PRELP: variants seen among roughly 807,000 people sequenced by gnomAD.
The protein encoded by PRELP is prolargin.
Under a neutral mutation model 22.8 loss-of-function variants are expected in PRELP, and 16 were observed. The ratio of observed to expected loss-of-function variants is 0.70; its 90% CI spans 0.47 to 1.06. The LOEUF (loss-of-function observed/expected upper bound fraction) is 1.06, where lower values mean the gene tolerates loss of function less well. Ranked by LOEUF, PRELP falls within the 50% of genes least tolerant of loss-of-function variation. The probability of loss-of-function intolerance (pLI) is 0.00; values close to 1 mark genes in which losing one functional copy is unlikely to be tolerated. For synonymous variants in PRELP, 233 were observed against 211.4 expected (o/e 1.10, Z -0.89); for missense variants, 434 against 485.2 (o/e 0.89, Z 0.99).
Position 203,484,051 on chromosome 1 carries a change from T to C in PRELP, c.867T>C (p.Asn289=), listed in dbSNP as rs1661055509. ...GGGGACTCCCCAAGAACTCCTTTAA[T>C]ATCTCCAACCTGCTTGTGCTCCACC... ...TDRGLPKNSF[N]ISNLLVLHLS... The change falls in exon 2 of 3, where the codon AAT becomes AAC. Residue 289 remains asparagine, a synonymous_variant. Transcript: ENST00000343110. 6.2e-7 allele frequency: 1 copy of C among 1,614,134 alleles called. No individual in the cohort carries two copies. The highest frequency in any genetic ancestry group is 1.7e-5 in the Admixed American group (1 of 60,036).
intron 1 of PRELP, among the ~76,000 whole-genome samples, chr1:203,481,865 G>C: frequency 6.6e-6 from 1 of 152,170 alleles, no homozygotes; most frequent in Admixed American, 6.5e-5. Context: ...GTGGGGTCTG[G>C]AGTTGATTGG....
In PRELP at chr1:203,483,114, A is replaced by G; in HGVS notation, c.-16-55A>G. 7.2e-7 allele frequency: 1 copy of G among 1,395,310 alleles called. No homozygotes were observed. The highest frequency in any genetic ancestry group is 9.7e-7 in the Non-Finnish European group (1 of 1,026,392). The allele number at this position is 1,395,310 out of a possible 1,614,324, so 86.4% of individuals were successfully genotyped here. A position where few individuals can be genotyped will look rare whatever the true frequency, so the allele number is the denominator to read the frequency against. On this transcript the variant is annotated intron_variant, in intron 1 of 2. Coordinates refer to ENST00000343110, the MANE Select transcript of PRELP (RefSeq NM_002725.4). The surrounding 1 kb of genome is among the most constrained non-coding windows in gnomAD (Gnocchi z 4.4). ...GCCCAACTCTGGCTTCAAAAACATGACAACTAGTTACTGAGGGCCCAAGGA... is the reference window on the plus strand; with the variant it reads ...GCCCAACTCTGGCTTCAAAAACATGGCAACTAGTTACTGAGGGCCCAAGGA...
rs141084377 is a variant in PRELP, at chr1:203,476,686, G to A, written c.-17+748G>A. ...CACTGGGTAGGAGGGAGAGAAAAAC[G>A]GCTTTTTCCAACCTGCACAGTGTCT... On this transcript the variant is annotated intron_variant, in intron 1 of 2. Transcript: ENST00000343110. Among the ~76,000 whole-genome samples, 9 of 152,180 alleles carry A rather than the reference G, an allele frequency of 5.9e-5. No homozygotes were observed. In the East Asian group the frequency reaches 7.7e-4, roughly 13 times the overall value.
In PRELP at chr1:203,485,873, T is replaced by C. The variant is rs1014760928; in HGVS notation, c.974-833T>C. On this transcript the variant is annotated intron_variant, in intron 2 of 2. Coordinates refer to ENST00000343110, the MANE Select transcript of PRELP (RefSeq NM_002725.4). ...ACAAGATGTGATGGAGGAAATGGAA[T>C]CTCAGGCCATGGACCCTTCAGAATC... Among the ~76,000 whole-genome samples the C allele has an allele frequency of 3.3e-5, 5 of 152,164 alleles. No homozygotes were observed. In the South Asian group the frequency reaches 1.0e-3, roughly 32 times the overall value.
chr1:203,488,526 GA>G lies in PRELP; in HGVS notation c.*1655del, dbSNP rs950382392. On this transcript the variant is annotated 3_prime_UTR_variant, in exon 3 of 3. Coordinates refer to ENST00000343110, the MANE Select transcript of PRELP (RefSeq NM_002725.4). ...CAGAGTGAGACTCCGTCTCAAAAAA[GA>G]AAAAAAAAAGATGCTCCTCTGAGGT... 14 of 148,190 alleles carry G rather than the reference GA, an allele frequency of 9.4e-5. No individual in the cohort carries two copies. Among genetic ancestry groups the G allele is most frequent in the African/African-American group, 1.5e-4 (6 of 40,512 alleles). 9.2% of individuals were successfully genotyped at this position (148,190 alleles called of 1,614,324 possible).
Position 203,483,835 on chromosome 1 carries a change from C to G in PRELP, c.651C>G (p.Phe217Leu), listed in dbSNP as rs922001747. The G allele has an allele frequency of 6.2e-7, 1 of 1,614,034 alleles. No homozygotes were observed. Among genetic ancestry groups the G allele is most frequent in the Non-Finnish European group, 8.5e-7 (1 of 1,179,986 alleles). Residue 217 changes from phenylalanine to leucine, a missense_variant, in exon 2 of 3, where the codon TTC becomes TTG. Transcript: ENST00000343110. This position sits in a 1 kb window ranked among gnomAD's most constrained non-coding sequence, Gnocchi z 4.4. ...LSDGVFKPDT[F>L]HGLKNLMQLN... The stretch of plus-strand genomic sequence containing the variant: ...ACGGCGTCTTCAAGCCCGACACCTT[C>G]CATGGCCTCAAGAACCTCATGCAGC...
chr1:203,483,057 G>C lies in PRELP; in HGVS notation c.-16-112G>C. 1.2e-6 allele frequency: 1 copy of C among 865,858 alleles called. No individual in the cohort carries two copies. The highest frequency in any genetic ancestry group is 2.5e-5 in the East Asian group (1 of 40,320). 53.6% of individuals were successfully genotyped at this position (865,858 alleles called of 1,614,324 possible). ...AGGAGATGCTTCCACAGCTCCCTGA[G>C]CTCTGCCCATCTTCCCTAGAGCTCT... On this transcript the variant is annotated intron_variant, in intron 1 of 2. Transcript: ENST00000343110. The surrounding 1 kb of genome is among the most constrained non-coding windows in gnomAD (Gnocchi z 4.4).
At chr1:203,482,812 T>G (rs1045201500) in intron 1 of PRELP, among the ~76,000 whole-genome samples, 10 of 151,748 alleles carry the variant, frequency 6.6e-5, no homozygotes, top group Non-Finnish European at 1.5e-4. Context: ...TTAGCCAGGA[T>G]GGTCTCGATC....
chr1:203,477,634 G>A (rs1660933359), intron 1 of PRELP, among the ~76,000 whole-genome samples: 2 of 152,164 alleles, frequency 1.3e-5, no homozygotes, highest in Non-Finnish European at 2.9e-5. Flanking sequence ...CAGAGGGTGA[G>A]CTGAACACTT....
intron 1 of PRELP, among the ~76,000 whole-genome samples, chr1:203,476,780 G>T (rs142521431): frequency 7.4e-4 from 113 of 152,256 alleles, no homozygotes; most frequent in African/African-American, 2.6e-3. Context: ...AGAAGAAAGC[G>T]ACCCAGTTCC....
intron 1 of PRELP, among the ~76,000 whole-genome samples, chr1:203,482,049 G>A (rs868122931): frequency 3.0e-4 from 45 of 152,212 alleles, no homozygotes; most frequent in African/African-American, 1.0e-3. Flanking sequence ...CCCCACAGGG[G>A]TATGTCACAG....
At chr1:203,477,463 T>G (rs993020821) in intron 1 of PRELP, among the ~76,000 whole-genome samples, 1 of 151,990 alleles carries the variant, frequency 6.6e-6, no homozygotes, top group Non-Finnish European at 1.5e-5. Flanking sequence ...AGAGGAACAT[T>G]CCAGTAAGAA....
chr1:203,480,898 T>C (rs1204344217), intron 1 of PRELP, among the ~76,000 whole-genome samples: 2 of 152,252 alleles, frequency 1.3e-5, no homozygotes, highest in Admixed American at 6.5e-5. Flanking sequence ...CTGTGTTTAC[T>C]GTGGATGAGA....
In PRELP at chr1:203,488,670, TCCCTCC is replaced by T. The variant is rs1201760393; in HGVS notation, c.*1793_*1798del. On this transcript the variant is annotated 3_prime_UTR_variant, in exon 3 of 3. Coordinates refer to ENST00000343110, the MANE Select transcript of PRELP (RefSeq NM_002725.4). ...AGTAATTTATTTTCTGTATGGACTGTCCCTCCCCCAGAGGCTTCCCCACCCTCCATT... is the reference window on the plus strand; with the variant it reads ...AGTAATTTATTTTCTGTATGGACTGTCCCAGAGGCTTCCCCACCCTCCATT... 1 of 152,216 alleles carries T rather than the reference TCCCTCC, an allele frequency of 6.6e-6. No individual in the cohort carries two copies. The highest frequency in any genetic ancestry group is 1.5e-5 in the Non-Finnish European group (1 of 68,066). 9.4% of individuals were successfully genotyped at this position (152,216 alleles called of 1,614,324 possible). A position where few individuals can be genotyped will look rare whatever the true frequency, so the allele number is the denominator to read the frequency against.
In PRELP at chr1:203,483,467, C is replaced by T. The variant is rs537589540; in HGVS notation, c.283C>T (p.Arg95Ter). 12 of 1,614,088 alleles carry T rather than the reference C, an allele frequency of 7.4e-6. No individual in the cohort carries two copies. Among genetic ancestry groups the T allele is most frequent in the East Asian group, 4.5e-5 (2 of 44,892 alleles). Residue 95 changes from arginine (R) to a stop codon, truncating the protein, a stop_gained, in exon 2 of 3, where the codon CGA (arginine) becomes TGA (stop). Transcript: ENST00000343110. LOFTEE classifies it high-confidence loss of function. This position sits in a 1 kb window ranked among gnomAD's most constrained non-coding sequence, Gnocchi z 4.4. ...CCTCTACTGTGATAGCCGCAACCTG[C>T]GAAAGGTCCCTGTCATCCCGCCCCG... Reference protein sequence around the residue: ...SALYCDSRNLRKVPVIPPRIH... With the variant: ...SALYCDSRNL
In PRELP at chr1:203,483,813, G is replaced by T. The variant is rs1661050422; in HGVS notation, c.629G>T (p.Gly210Val). The T allele has an allele frequency of 6.2e-7, 1 of 1,614,022 alleles. No homozygotes were observed. Among genetic ancestry groups the T allele is most frequent in the African/African-American group, 1.3e-5 (1 of 74,916 alleles). ...CTCCAGCACAACAGGCTGAGCGACG[G>T]CGTCTTCAAGCCCGACACCTTCCAT... is the stretch of plus-strand genomic sequence containing the variant. ...LDLQHNRLSD[G>V]VFKPDTFHGL... Residue 210 changes from glycine (G) to valine (V), a missense_variant, in exon 2 of 3, where the codon GGC becomes GTC. Coordinates refer to ENST00000343110, the MANE Select transcript of PRELP (RefSeq NM_002725.4). This position sits in a 1 kb window ranked among gnomAD's most constrained non-coding sequence, Gnocchi z 4.4.
chr1:203,485,312 T>C (rs1661074689), intron 2 of PRELP, among the ~76,000 whole-genome samples: 1 of 152,178 alleles, frequency 6.6e-6, no homozygotes, highest in Admixed American at 6.5e-5. Flanking sequence ...GATAGGTCTC[T>C]ACCAGATTGT....
chr1:203,486,939 CTGTGCCGGCCATT>C lies in PRELP; in HGVS notation c.*59_*71del. The C allele has an allele frequency of 6.7e-7, 1 of 1,484,842 alleles. No homozygotes were observed. Among genetic ancestry groups the C allele is most frequent in the East Asian group, 2.4e-5 (1 of 40,834 alleles). 92.0% of individuals were successfully genotyped at this position (1,484,842 alleles called of 1,614,324 possible). On this transcript the variant is annotated 3_prime_UTR_variant, in exon 3 of 3. Coordinates refer to ENST00000343110, the MANE Select transcript of PRELP (RefSeq NM_002725.4). The stretch of plus-strand genomic sequence containing the variant: ...CACTTGAAGGCTGGGGCCCAGGCAC[CTGTGCCGGCCATT>C]CGTTTTCTCTCTCTCCCTTTCTTTC...
chr1:203,479,867 A>T (rs1660971192), intron 1 of PRELP, among the ~76,000 whole-genome samples: 1 of 152,108 alleles, frequency 6.6e-6, no homozygotes. Context: ...CCTCACACAG[A>T]TGAGGAGCCC....
Sources: gnomAD v4.1 joint callset for allele counts (sites outside exome capture counted in the v4.1 genomes callset) on GRCh38, gnomAD v4.1.1 for gene constraint, Gnocchi (gnomAD v3.1) non-coding constraint, MANE v1.5 for transcripts, NCBI Gene and HGNC (gene_info 2026-07-23, HGNC 2026-07-21) for gene names.